The following VEGFD variants were observed in gnomAD, a reference collection of about 807,000 sequenced individuals.
VEGFD encodes the protein c-fos induced growth factor (vascular endothelial growth factor D).
A neutral mutation model predicts 28.0 loss-of-function variants in VEGFD; 26 were observed. That is an observed-to-expected ratio of 0.93 (90% CI 0.68 to 1.29). The LOEUF (loss-of-function observed/expected upper bound fraction) is 1.29, where lower values mean the gene tolerates loss of function less well. Ranked by LOEUF, VEGFD falls within the 50% of genes most tolerant of loss-of-function variation. The pLI is 0.00. For missense variants in VEGFD, 294 were observed against 273.4 expected (o/e 1.08, Z -0.53); for synonymous variants, 93 against 95.5 (o/e 0.97, Z 0.15).
intron 2 of VEGFD, 92 bp downstream of exon 2, chrX:15,363,017 G>A (rs1258046602): frequency 1.0e-5 from 8 of 780,534 alleles, no homozygotes; most frequent in Admixed American, 2.7e-5. Flanking sequence ...CCTCTGACAC[G>A]TGTCTGCCCT....
chrX:15,368,025 A>AGAAAG (rs1483697878), intron 1 of VEGFD, among the ~76,000 whole-genome samples: 1 of 102,412 alleles, frequency 9.8e-6, no homozygotes, highest in Non-Finnish European at 2.0e-5. Flanking sequence ...AAAGAAAGAA[A>AGAAAG]GAAAGGAAAG....
At chrX:15,359,314 T>G (rs1922945288) in intron 2 of VEGFD, among the ~76,000 whole-genome samples, 1 of 107,273 alleles carries the variant, frequency 9.3e-6, no homozygotes, top group South Asian at 4.3e-4. Flanking sequence ...CTGTCTCACT[T>G]TCTCACACAC....
intron 5 of VEGFD, among the ~76,000 whole-genome samples, chrX:15,348,046 T>G (rs1225312900): frequency 1.8e-5 from 2 of 112,205 alleles, no homozygotes; most frequent in Non-Finnish European, 3.8e-5. Context: ...GCAAAATAAA[T>G]GGAAGAGACA....
intron 1 of VEGFD, among the ~76,000 whole-genome samples, chrX:15,375,068 G>A (rs1378409125): frequency 9.0e-6 from 1 of 110,774 alleles, no homozygotes; most frequent in East Asian, 2.8e-4. Context: ...TGTGTTTTAG[G>A]GCCCCTGATA....
chrX:15,359,203 G>A (rs998139256), intron 2 of VEGFD, among the ~76,000 whole-genome samples: 1 of 109,818 alleles, frequency 9.1e-6, no homozygotes, highest in Non-Finnish European at 1.9e-5. Flanking sequence ...TGCTTCTTAT[G>A]AAGAGAATAC....
intron 1 of VEGFD, among the ~76,000 whole-genome samples, chrX:15,368,031 G>GAAAGAAAGAAAGAAAGAAAGA (rs753106829): frequency 4.6e-3 from 123 of 26,835 alleles, no homozygotes; most frequent in Middle Eastern, 0.015. Flanking sequence ...AGAAAGAAAG[G>GAAAGAAAGAAAGAAAGAAAGA]AAAGAAGAAA....
chrX:15,350,303 C>T (rs1015855916), intron 5 of VEGFD, among the ~76,000 whole-genome samples: 29 of 111,563 alleles, frequency 2.6e-4, no homozygotes, highest in Non-Finnish European at 4.7e-4. Context: ...GCTCATATAC[C>T]CGCTGCTTAG....
intron 5 of VEGFD, 83 bp from the exon 6 acceptor site, chrX:15,347,442 T>C (rs1922584135): frequency 9.0e-6 from 7 of 778,852 alleles, no homozygotes; most frequent in Non-Finnish European, 1.3e-5. Context: ...TTTTATGTCA[T>C]CCGTAAGTAA....
intron 1 of VEGFD, among the ~76,000 whole-genome samples, chrX:15,367,986 A>AAAGAAAGAAAGAAAGAAAG (rs1923191515): frequency 1.5e-5 from 1 of 66,631 alleles, no homozygotes; most frequent in African/African-American, 7.2e-5. Context: ...AAGAAAAAGA[A>AAAGAAAGAAAGAAAGAAAG]AAAGAAAGAA....
intron 1 of VEGFD, among the ~76,000 whole-genome samples, chrX:15,364,845 C>T (rs1165940044): frequency 8.9e-6 from 1 of 112,138 alleles, no homozygotes; most frequent in Non-Finnish European, 1.9e-5. Context: ...GTGATGTACA[C>T]TCTCCTCCAC....
Position 15,345,864 on chromosome X carries a change from A to G in VEGFD, c.*269T>C. Reference sequence around the variant, plus strand: ...CATGACCAGCACACCTTTCTCATTCACCAAAAAACAAAAACAAAACTAAAC... The same window carrying G: ...CATGACCAGCACACCTTTCTCATTCGCCAAAAAACAAAAACAAAACTAAAC... On this transcript the variant is annotated 3_prime_UTR_variant, in exon 7 of 7. Coordinates refer to ENST00000297904, the MANE Select transcript of VEGFD (RefSeq NM_004469.5). 1 of 295,868 alleles carries G rather than the reference A, an allele frequency of 3.4e-6. No homozygotes were observed. The highest frequency in any genetic ancestry group is 5.9e-5 in the East Asian group (1 of 17,058). 24.4% of individuals were successfully genotyped at this position (295,868 alleles called of 1,213,427 possible).
intron 1 of VEGFD, among the ~76,000 whole-genome samples, chrX:15,376,634 G>A (rs1923444904): frequency 9.0e-6 from 1 of 111,509 alleles, no homozygotes; most frequent in Non-Finnish European, 1.9e-5. Context: ...TCTTCCCTAA[G>A]GATCTAGTGT....
chrX:15,350,786 TC>T (rs201381977), intron 5 of VEGFD, among the ~76,000 whole-genome samples: 1,853 of 73,970 alleles, frequency 0.025, 41 homozygotes, highest in African/African-American at 0.091. Context: ...TCTTTCTCTC[TC>T]TTTCTTTTCT....
intron 5 of VEGFD, among the ~76,000 whole-genome samples, chrX:15,349,868 G>C (rs1250165542): frequency 1.8e-5 from 2 of 111,546 alleles, no homozygotes; most frequent in East Asian, 5.6e-4. Flanking sequence ...GGCCACTGGA[G>C]AAATGAATGT....
At chrX:15,379,090 G>A (rs1417584384) in intron 1 of VEGFD, among the ~76,000 whole-genome samples, 2 of 111,304 alleles carry the variant, frequency 1.8e-5, no homozygotes, top group East Asian at 2.8e-4. Context: ...AATCAGAAAG[G>A]TCTCCTCTGA....
intron 1 of VEGFD, among the ~76,000 whole-genome samples, chrX:15,380,213 A>G (rs1003735407): frequency 8.9e-6 from 1 of 112,625 alleles, no homozygotes; most frequent in South Asian, 3.7e-4. Flanking sequence ...TTCCCTGTAC[A>G]TGACTTTGGA....
At chrX:15,350,605 G>A (rs1432813154) in intron 5 of VEGFD, among the ~76,000 whole-genome samples, 1 of 112,295 alleles carries the variant, frequency 8.9e-6, no homozygotes, top group Non-Finnish European at 1.9e-5. Context: ...CCTTGTGCCT[G>A]CCTACAAACC....
At chrX:15,382,739 A>T (rs2146991964) in intron 1 of VEGFD, among the ~76,000 whole-genome samples, 1 of 111,377 alleles carries the variant, frequency 9.0e-6, no homozygotes, top group East Asian at 2.8e-4. Context: ...TTGGAATTTG[A>T]GAAGTTAGAA....
intron 1 of VEGFD, among the ~76,000 whole-genome samples, chrX:15,365,100 T>C (rs1255833399): frequency 8.9e-6 from 1 of 112,375 alleles, no homozygotes; most frequent in Non-Finnish European, 1.9e-5. Flanking sequence ...GAGGAACATC[T>C]GGAGACATAT....
Sources: allele counts gnomAD v4.1 joint callset (sites outside exome capture counted in the v4.1 genomes callset), GRCh38; gene constraint gnomAD v4.1.1; transcripts MANE v1.5; gene names NCBI Gene and HGNC (gene_info 2026-07-23, HGNC 2026-07-21).